The following LIN28A variants were observed in gnomAD, a reference collection of about 807,000 sequenced individuals.
LIN28A encodes the protein protein lin-28 homolog A.
LIN28A carries 11 observed loss-of-function variants against 21.1 expected under a neutral mutation model. That is an observed-to-expected ratio of 0.52 (90% confidence interval 0.33 to 0.86). The LOEUF (loss-of-function observed/expected upper bound fraction) is 0.86. Among genes scored for constraint, LIN28A ranks in the 40% least tolerant of loss-of-function variants. LIN28A has a pLI of 0.03. For missense variants in LIN28A, 219 were observed against 279.8 expected (o/e 0.78, Z 1.55); for synonymous variants, 111 against 108.7 (o/e 1.02, Z -0.13).
chr1:26,410,891 C>T lies in LIN28A; in HGVS notation c.-1C>T. The T allele has an allele frequency of 6.2e-7, 1 of 1,610,708 alleles. No individual in the cohort carries two copies. The highest frequency in any genetic ancestry group is 8.5e-7 in the Non-Finnish European group (1 of 1,179,104). ...CGGGGCCACGGGCTCAGCCGACGAC[C>T]ATGGGCTCCGTGTCCAACCAGCAGT... On this transcript the variant is annotated 5_prime_UTR_variant, in exon 1 of 4. Transcript: ENST00000326279.
In LIN28A at chr1:26,410,867, G is replaced by GGGGCCAC; in HGVS notation, c.-20_-14dup. 1 of 1,611,892 alleles carries GGGGCCAC rather than the reference G, an allele frequency of 6.2e-7. No individual in the cohort carries two copies. The highest frequency in any genetic ancestry group is 8.5e-7 in the Non-Finnish European group (1 of 1,179,132). On this transcript the variant is annotated 5_prime_UTR_variant, in exon 1 of 4. Transcript: ENST00000326279. Reference sequence around the variant, plus strand: ...CCAGCAGCCGCCCGACCAGGGGCCCGGGGCCACGGGCTCAGCCGACGACCA... The same window carrying GGGGCCAC: ...CCAGCAGCCGCCCGACCAGGGGCCCGGGGCCACGGGCCACGGGCTCAGCCGACGACCA...
intron 2 of LIN28A, among the ~76,000 whole-genome samples, chr1:26,413,946 G>C (rs2074978163): frequency 1.3e-5 from 2 of 150,354 alleles, no homozygotes; most frequent in Non-Finnish European, 2.9e-5. Context: ...TCCTGCCTCA[G>C]CTTCCTGAGT....
chr1:26,422,194 G>C (rs1209113915), intron 2 of LIN28A, among the ~76,000 whole-genome samples: 1 of 151,830 alleles, frequency 6.6e-6, no homozygotes, highest in African/African-American at 2.4e-5. Context: ...TTATTTTGTA[G>C]AGATGGGTTT....
chr1:26,414,204 TG>T (rs965510732), intron 2 of LIN28A, among the ~76,000 whole-genome samples: 1 of 150,240 alleles, frequency 6.7e-6, no homozygotes, highest in African/African-American at 2.4e-5. Flanking sequence ...AATTGTTTAC[TG>T]GGGGAGGAGG....
chr1:26,421,672 T>A (rs1047833576), intron 2 of LIN28A, among the ~76,000 whole-genome samples: 2 of 152,212 alleles, frequency 1.3e-5, no homozygotes, highest in African/African-American at 2.4e-5. Context: ...TAGCAGCATT[T>A]ATTGAATTAT....
chr1:26,412,395 T>A (rs1210734122), intron 2 of LIN28A, among the ~76,000 whole-genome samples: 1 of 152,160 alleles, frequency 6.6e-6, no homozygotes, highest in Non-Finnish European at 1.5e-5. Flanking sequence ...AGCCATTGAT[T>A]GCTGTCTTAA....
rs143083331 is a variant in LIN28A, at chr1:26,416,971, A to T, written c.228+5389A>T. Among the ~76,000 whole-genome samples the T allele has an allele frequency of 6.5e-3, 973 of 150,050 alleles. 10 individuals carry two copies. The highest frequency in any genetic ancestry group is 0.021 in the African/African-American group (879 of 41,150). On this transcript the variant is annotated intron_variant, in intron 2 of 3. Coordinates refer to ENST00000326279, the MANE Select transcript of LIN28A (RefSeq NM_024674.6). ...GGACTTGGCTTTTCTAAGCAGTAGA[A>T]TATAAGAACTGAGTTTCTGGCCTAA...
chr1:26,424,764 C>G (rs2075048695), intron 2 of LIN28A, among the ~76,000 whole-genome samples: 1 of 152,066 alleles, frequency 6.6e-6, no homozygotes, highest in Admixed American at 6.6e-5. Context: ...GTTTTTGAGA[C>G]AAAGTCTCAC....
In LIN28A at chr1:26,426,326, C is replaced by T; in HGVS notation, c.498C>T (p.Ser166=). 6.2e-7 allele frequency: 1 copy of T among 1,614,212 alleles called. No homozygotes were observed. The highest frequency in any genetic ancestry group is 8.5e-7 in the Non-Finnish European group (1 of 1,180,022). Residue 166 remains serine, a synonymous_variant, in exon 4 of 4, where the codon AGC becomes AGT. Transcript: ENST00000326279. ...CCAAGAAGTGCCACTTCTGCCAGAG[C>T]ATCAGCCATATGGTAGCCTCATGTC... ...PQPKKCHFCQ[S]ISHMVASCPL...
chr1:26,418,166 C>T (rs1254017404), intron 2 of LIN28A, among the ~76,000 whole-genome samples: 1 of 152,036 alleles, frequency 6.6e-6, no homozygotes, highest in Non-Finnish European at 1.5e-5. Flanking sequence ...TAGGGTAAGG[C>T]AGGCAATTAC....
At position 26,426,377 on chromosome 1, in the gene LIN28A, T is replaced by C; in HGVS notation, c.549T>C (p.Ser183=). The change falls in exon 4 of 4, where the codon AGT becomes AGC. Residue 183 remains serine (S), a synonymous_variant. Coordinates refer to ENST00000326279, the MANE Select transcript of LIN28A (RefSeq NM_024674.6). ...CGCTGAAGGCCCAGCAGGGCCCTAG[T>C]GCACAGGGAAAGCCAACCTACTTTC... ...SCPLKAQQGP[S]AQGKPTYFRE... is the part of the protein sequence containing the mutation. The C allele has an allele frequency of 1.2e-6, 2 of 1,614,180 alleles. No individual in the cohort carries two copies. The highest frequency in any genetic ancestry group is 1.1e-5 in the South Asian group (1 of 91,080).
chr1:26,413,820 TG>T (rs1216416609), intron 2 of LIN28A, among the ~76,000 whole-genome samples: 1,415 of 133,274 alleles, frequency 0.011, 9 homozygotes, highest in African/African-American at 0.019. Flanking sequence ...TTTGTTTGTT[TG>T]TTGCTTTTTT....
intron 2 of LIN28A, among the ~76,000 whole-genome samples, chr1:26,424,317 C>G (rs890349494): frequency 6.6e-6 from 1 of 152,156 alleles, no homozygotes; most frequent in East Asian, 1.9e-4. Flanking sequence ...TGATGGCTCA[C>G]TGAAACCTCT....
intron 2 of LIN28A, among the ~76,000 whole-genome samples, chr1:26,421,319 C>T (rs951326968): frequency 6.6e-5 from 10 of 152,248 alleles, no homozygotes; most frequent in South Asian, 2.1e-4. Context: ...TTAATGGCTG[C>T]GTGGTATTCA....
In LIN28A at chr1:26,411,532, G is replaced by A. The variant is rs766319426; in HGVS notation, c.178G>A (p.Ala60Thr). ...RMGFGFLSMT[A>T]RAGVALDPPV... ...GGGGTTCGGCTTCCTGTCCATGACC[G>A]CCCGCGCCGGGGTCGCGCTCGACCC... Residue 60 changes from alanine to threonine, a missense_variant, in exon 2 of 4, where the codon GCC (alanine) becomes ACC (threonine). Ala to Thr is a moderately conservative substitution (Grantham distance 58). This residue lies in a region of LIN28A where 124 missense variants were observed against 193.1 expected (regional missense o/e 0.64). Coordinates refer to ENST00000326279, the MANE Select transcript of LIN28A (RefSeq NM_024674.6). This position sits in a 1 kb window ranked among gnomAD's most constrained non-coding sequence, Gnocchi z 5.4. 1 of 1,613,814 alleles carries A rather than the reference G, an allele frequency of 6.2e-7. No homozygotes were observed. Among genetic ancestry groups the A allele is most frequent in the South Asian group, 1.1e-5 (1 of 91,062 alleles).
chr1:26,425,492 G>A lies in LIN28A; in HGVS notation c.413+5G>A. 6.2e-7 allele frequency: 1 copy of A among 1,613,256 alleles called. No homozygotes were observed. The highest frequency in any genetic ancestry group is 8.5e-7 in the Non-Finnish European group (1 of 1,179,442). On this transcript the variant is annotated splice_donor_5th_base_variant and intron_variant, in intron 3 of 3. Transcript: ENST00000326279. ...GCGCAGATCAAAAGGAGACAGGTATGGATTGGAAGGCAGCTTATATAGGTT... is the reference window on the plus strand; with the variant it reads ...GCGCAGATCAAAAGGAGACAGGTATAGATTGGAAGGCAGCTTATATAGGTT...
chr1:26,423,627 G>T (rs1428023750), intron 2 of LIN28A, among the ~76,000 whole-genome samples: 1 of 149,950 alleles, frequency 6.7e-6, no homozygotes, highest in Non-Finnish European at 1.5e-5. Flanking sequence ...GGTCAGGCTG[G>T]TCTCAAACTC....
intron 2 of LIN28A, among the ~76,000 whole-genome samples, chr1:26,417,542 A>C (rs1275352573): frequency 6.6e-6 from 1 of 152,210 alleles, no homozygotes; most frequent in Non-Finnish European, 1.5e-5. Context: ...CATCATAATG[A>C]ATTGCACTGG....
chr1:26,426,584 C>T lies in LIN28A; in HGVS notation c.*126C>T. 1 of 710,246 alleles carries T rather than the reference C, an allele frequency of 1.4e-6. No homozygotes were observed. The highest frequency in any genetic ancestry group is 1.8e-5 in the African/African-American group (1 of 56,358). 44.0% of individuals were successfully genotyped at this position (710,246 alleles called of 1,614,324 possible). Reference sequence around the variant, plus strand: ...GCCATGTATCTCAGGCTTGGGTTCACACCATCACCCTTTCTTCCCTCTAGG... The same window carrying T: ...GCCATGTATCTCAGGCTTGGGTTCATACCATCACCCTTTCTTCCCTCTAGG... On this transcript the variant is annotated 3_prime_UTR_variant, in exon 4 of 4. Transcript: ENST00000326279.
Sources: allele counts gnomAD v4.1 joint callset (sites outside exome capture counted in the v4.1 genomes callset), GRCh38; gene constraint gnomAD v4.1.1; regional missense constraint gnomAD v4.1.1; non-coding constraint Gnocchi (gnomAD v3.1); transcripts MANE v1.5; gene names NCBI Gene and HGNC (gene_info 2026-07-23, HGNC 2026-07-21).